EED: variants seen among roughly 807,000 people sequenced by gnomAD.
The protein encoded by EED is polycomb protein EED.
EED carries 9 observed loss-of-function variants against 61.0 expected under a neutral mutation model. The observed-to-expected ratio is 0.15, with a 90% confidence interval of 0.09 to 0.26. EED has a LOEUF of 0.26. EED is among the 10% of genes least tolerant of loss of function. The pLI is 1.00. For synonymous variants in EED, 187 were observed against 174.4 expected, an observed-to-expected ratio of 1.07 and a Z score of -0.57; for missense variants, 315 against 542.3, an observed-to-expected ratio of 0.58 and a Z score of 4.16.
chr11:86,246,416 A>G (rs12293708), intron 1 of EED, among the ~76,000 whole-genome samples: 35,213 of 152,212 alleles, frequency 0.23, 5,220 homozygotes, highest in Non-Finnish European at 0.32. Context: ...AGTTTTAGGA[A>G]TAAATGTTAC....
chr11:86,252,510 C>T (rs1378214337), intron 3 of EED, among the ~76,000 whole-genome samples: 4 of 15,028 alleles, frequency 2.7e-4, no homozygotes, highest in East Asian at 0.014. Flanking sequence ...AAAGAATTGG[C>T]GTCCTTTTTT....
intron 7 of EED, chr11:86,265,558 C>G (rs956052486): frequency 7.9e-5 from 12 of 152,246 alleles, no homozygotes; most frequent in African/African-American, 2.4e-4. Flanking sequence ...AAGTTAAAAT[C>G]TGTTTTTTAT....
At chr11:86,269,238 A>G (rs1252052977) in intron 9 of EED, among the ~76,000 whole-genome samples, 2 of 152,194 alleles carry the variant, frequency 1.3e-5, no homozygotes, top group Non-Finnish European at 2.9e-5. Flanking sequence ...CAAAATTCCA[A>G]GTACTTCAAA....
chr11:86,262,667 C>T (rs1178039141), intron 6 of EED, among the ~76,000 whole-genome samples: 5 of 152,028 alleles, frequency 3.3e-5, no homozygotes, highest in African/African-American at 1.2e-4. Context: ...CATGCCACCA[C>T]ACCCCGCTAG....
Position 86,254,541 on chromosome 11 carries a change from G to C in EED, c.361-681G>C, listed in dbSNP as rs58873590. 8.8e-3 allele frequency among the ~76,000 whole-genome samples: 1,345 copies of C among 151,990 alleles called. 25 individuals carry two copies. Among genetic ancestry groups the C allele is most frequent in the African/African-American group, 0.031 (1,272 of 41,488 alleles). Reference sequence around the variant, plus strand: ...CCACCGTGTTAGCCAGGATGGTCTTGATCTCCTGACCTCGTGATCCACCCG... The same window carrying C: ...CCACCGTGTTAGCCAGGATGGTCTTCATCTCCTGACCTCGTGATCCACCCG... On this transcript the variant is annotated intron_variant, in intron 3 of 11. Transcript: ENST00000263360.
At chr11:86,258,555 G>GGTT (rs1412956689) in intron 6 of EED, among the ~76,000 whole-genome samples, 9 of 130,888 alleles carry the variant, frequency 6.9e-5, no homozygotes, top group African/African-American at 2.5e-4. Flanking sequence ...TTGTTTTTTG[G>GGTT]TTTTTTTTTT....
chr11:86,269,342 T>G (rs1372983252), intron 9 of EED, among the ~76,000 whole-genome samples: 1 of 151,642 alleles, frequency 6.6e-6, no homozygotes, highest in Non-Finnish European at 1.5e-5. Flanking sequence ...GTGTGTGTGT[T>G]TGTGTGTCTG....
At chr11:86,256,066 T>C (rs1484403322) in intron 4 of EED, among the ~76,000 whole-genome samples, 3 of 152,218 alleles carry the variant, frequency 2.0e-5, no homozygotes, top group Admixed American at 2.0e-4. Context: ...GTCACCTGTT[T>C]TTGTAAAGTT....
At chr11:86,279,878 G>A (rs1946303466), downstream of EED, among the ~76,000 whole-genome samples, 1 of 152,138 alleles carries the variant, frequency 6.6e-6, no homozygotes, top group African/African-American at 2.4e-5. Context: ...ACTTCAAGAA[G>A]TAAACCTTTA....
chr11:86,260,050 T>C (rs1945787194), intron 6 of EED, among the ~76,000 whole-genome samples: 1 of 152,202 alleles, frequency 6.6e-6, no homozygotes, highest in Admixed American at 6.5e-5. Flanking sequence ...AGAAATAACA[T>C]GTCCATACAA....
intron 9 of EED, among the ~76,000 whole-genome samples, chr11:86,275,127 G>C (rs771997800): frequency 1.3e-5 from 2 of 152,028 alleles, no homozygotes; most frequent in Non-Finnish European, 2.9e-5. Context: ...AAGAAAACCC[G>C]GGAAACTCAA....
chr11:86,250,531 A>G lies in EED; in HGVS notation c.267+83A>G, dbSNP rs112586699. 2.9e-5 allele frequency: 39 copies of G among 1,364,520 alleles called. 1 individual carries two copies. In the African/African-American group the frequency reaches 3.5e-4, roughly 12 times the overall value. 84.5% of individuals were successfully genotyped at this position (1,364,520 alleles called of 1,614,324 possible). A position where few individuals can be genotyped will look rare whatever the true frequency, so the allele number is the denominator to read the frequency against. ...GTGGCACGCATTTCGTACTCAGGAT[A>G]CTCTGTCAAGTTGTAAATATTTTAA... On this transcript the variant is annotated intron_variant, in intron 2 of 11. Transcript: ENST00000263360.
chr11:86,281,375 G>T (rs547655304), downstream of EED, among the ~76,000 whole-genome samples: 64 of 152,030 alleles, frequency 4.2e-4, no homozygotes, highest in Admixed American at 4.1e-3. Context: ...TGCTATAAGG[G>T]TTTGTCAATT....
downstream of EED, among the ~76,000 whole-genome samples, chr11:86,282,314 T>TTA (rs1488694307): frequency 6.6e-6 from 1 of 152,216 alleles, no homozygotes; most frequent in Non-Finnish European, 1.5e-5. Context: ...TGGGATGTAT[T>TTA]TTGTGTGTGT....
intron 3 of EED, among the ~76,000 whole-genome samples, chr11:86,253,566 A>G (rs1945589131): frequency 6.6e-6 from 1 of 152,232 alleles, no homozygotes; most frequent in Non-Finnish European, 1.5e-5. Context: ...AAAAGGAAGA[A>G]AGAAAACAAA....
intron 1 of EED, among the ~76,000 whole-genome samples, chr11:86,249,425 C>T (rs1945470757): frequency 6.9e-6 from 1 of 145,922 alleles, no homozygotes; most frequent in Non-Finnish European, 1.5e-5. Flanking sequence ...TATTTTAGAA[C>T]TGCTGCCCTA....
intron 6 of EED, 77 bp downstream of exon 6, chr11:86,257,673 T>C: frequency 1.7e-6 from 2 of 1,204,094 alleles, no homozygotes; most frequent in Non-Finnish European, 2.3e-6. Flanking sequence ...AAGAAAACCC[T>C]GACAAATAGG....
In EED at chr11:86,276,998, G is replaced by A. The variant is rs1432214115; in HGVS notation, c.985G>A (p.Val329Met). 1.3e-6 allele frequency: 2 copies of A among 1,514,946 alleles called. No homozygotes were observed. Among genetic ancestry groups the A allele is most frequent in the African/African-American group, 1.4e-5 (1 of 72,988 alleles). 93.8% of individuals were successfully genotyped at this position (1,514,946 alleles called of 1,614,324 possible). Reference sequence around the variant, plus strand: ...GTTTTAGTCTTGTGAAAATGCCATTGTGTGCTGGAAACCTGGCAAGATGGA... The same window carrying A: ...GTTTTAGTCTTGTGAAAATGCCATTATGTGCTGGAAACCTGGCAAGATGGA... ...ILSKSCENAI[V>M]CWKPGKMEDD... The change falls in exon 10 of 12, where the codon GTG (valine) becomes ATG (methionine). Residue 329 changes from valine (V) to methionine (M), a missense_variant. By Grantham distance (21) the Val-to-Met change is conservative. This residue lies in a region of EED where 205 missense variants were observed against 455.4 expected (regional missense o/e 0.45). Transcript: ENST00000263360.
Position 86,254,779 on chromosome 11 carries a change from C to T in EED, c.361-443C>T, listed in dbSNP as rs1225219650. ...CTGGGATTACGGGCATGTGCCACCA[C>T]GCTCAGCTAATTTTTGTATTTTTGG... is the stretch of plus-strand genomic sequence containing the variant. On this transcript the variant is annotated intron_variant, in intron 3 of 11. Coordinates refer to ENST00000263360, the MANE Select transcript of EED (RefSeq NM_003797.5). 2.0e-5 allele frequency among the ~76,000 whole-genome samples: 3 copies of T among 152,104 alleles called. No homozygotes were observed. In the South Asian group the frequency reaches 6.2e-4, roughly 32 times the overall value.
Sources: allele counts gnomAD v4.1 joint callset (sites outside exome capture counted in the v4.1 genomes callset), GRCh38; gene constraint gnomAD v4.1.1; regional missense constraint gnomAD v4.1.1; transcripts MANE v1.5; gene names NCBI Gene and HGNC (gene_info 2026-07-23, HGNC 2026-07-21).